The following SYK variants were observed in gnomAD, a reference collection of about 807,000 sequenced individuals.
SYK encodes the protein tyrosine-protein kinase SYK.
In SYK, 16 loss-of-function variants were observed where a neutral mutation model predicts 77.8. That is an observed-to-expected ratio of 0.21 (90% CI 0.14 to 0.31). The LOEUF (loss-of-function observed/expected upper bound fraction) is 0.31, where lower values mean the gene tolerates loss of function less well. SYK is among the 10% of genes least tolerant of loss of function. The pLI is 1.00. For missense variants in SYK, 529 were observed against 814.4 expected (o/e 0.65, Z 4.26); for synonymous variants, 312 against 308.7 (o/e 1.01, Z -0.11).
At chr9:90,826,864 G>C (rs1346709727) in intron 1 of SYK, among the ~76,000 whole-genome samples, 1 of 152,186 alleles carries the variant, frequency 6.6e-6, no homozygotes, top group Non-Finnish European at 1.5e-5. Flanking sequence ...ATGAGCAGCT[G>C]TCTGACCAGG....
At position 90,884,484 on chromosome 9, in the gene SYK, C is replaced by T. The variant is rs1478995732; in HGVS notation, c.1582-3265C>T. On this transcript the variant is annotated intron_variant, in intron 11 of 13. Coordinates refer to ENST00000375754, the MANE Select transcript of SYK (RefSeq NM_003177.7). ...ATATGTGTGTACATATACATACACACACATACACATATGTGTACATGTACA... is the reference window on the plus strand; with the variant it reads ...ATATGTGTGTACATATACATACACATACATACACATATGTGTACATGTACA... 3.4e-5 allele frequency among the ~76,000 whole-genome samples: 2 copies of T among 58,504 alleles called. 1 individual carries two copies. Among genetic ancestry groups the T allele is most frequent in the Non-Finnish European group, 6.7e-5 (2 of 29,856 alleles). 38.4% of individuals were successfully genotyped at this position (58,504 alleles called of 152,430 possible).
chr9:90,887,671 G>A (rs751154751), intron 11 of SYK, 78 bp from the exon 12 acceptor site: 17 of 1,467,918 alleles, frequency 1.2e-5, no homozygotes, highest in Admixed American at 6.6e-5. Context: ...CCAAAGTGCT[G>A]GGATTACAGG....
chr9:90,836,823 C>T lies in SYK; in HGVS notation c.-41-7035C>T, dbSNP rs1371119841. Among the ~76,000 whole-genome samples the T allele has an allele frequency of 5.9e-5, 9 of 152,148 alleles. No homozygotes were observed. In the East Asian group the frequency reaches 1.7e-3, roughly 29 times the overall value. ...GAAGTCATGACATTATAAGAAAAAG[C>T]TGAATTGCTTGATGAGGATTGTAGA... On this transcript the variant is annotated intron_variant, in intron 1 of 13. Coordinates refer to ENST00000375754, the MANE Select transcript of SYK (RefSeq NM_003177.7).
At chr9:90,835,335 A>G (rs1160597248) in intron 1 of SYK, among the ~76,000 whole-genome samples, 2 of 152,248 alleles carry the variant, frequency 1.3e-5, no homozygotes, top group Non-Finnish European at 2.9e-5. Flanking sequence ...GGCCACCCAT[A>G]GCTGCATTCA....
At chr9:90,821,677 TA>T (rs777086466) in intron 1 of SYK, among the ~76,000 whole-genome samples, 10 of 152,190 alleles carry the variant, frequency 6.6e-5, no homozygotes, top group Non-Finnish European at 1.0e-4. Flanking sequence ...GCCACATGCA[TA>T]TTCCAGACGC....
At chr9:90,884,680 C>CACATATACACATATGTGTACATGT (rs1828405348) in intron 11 of SYK, among the ~76,000 whole-genome samples, 1 of 51,820 alleles carries the variant, frequency 1.9e-5, no homozygotes, top group Non-Finnish European at 3.5e-5. Flanking sequence ...TACATATATA[C>CACATATACACATATGTGTACATGT]ACATATACAC....
Position 90,874,993 on chromosome 9 carries a change from T to C in SYK, c.1181+144T>C, listed in dbSNP as rs1219086526. On this transcript the variant is annotated intron_variant, in intron 9 of 13. Coordinates refer to ENST00000375754, the MANE Select transcript of SYK (RefSeq NM_003177.7). Reference sequence around the variant, plus strand: ...TTGTTAATTTCTGGTACTATTATAATGAAAGCGTCCATTACCTTTAATGGC... The same window carrying C: ...TTGTTAATTTCTGGTACTATTATAACGAAAGCGTCCATTACCTTTAATGGC... 95 of 1,061,832 alleles carry C rather than the reference T, an allele frequency of 8.9e-5. 1 individual carries two copies. The highest frequency in any genetic ancestry group is 1.2e-4 in the Non-Finnish European group (90 of 751,134). The allele number at this position is 1,061,832 out of a possible 1,614,324, so 65.8% of individuals were successfully genotyped here. A position where few individuals can be genotyped will look rare whatever the true frequency, so the allele number is the denominator to read the frequency against.
intron 7 of SYK, among the ~76,000 whole-genome samples, chr9:90,869,222 A>T (rs2118839817): frequency 1.3e-5 from 2 of 152,302 alleles, no homozygotes; most frequent in East Asian, 3.9e-4. Context: ...TAAAACAGAA[A>T]ATTAAATAGT....
chr9:90,843,972 C>A lies in SYK; in HGVS notation c.74C>A (p.Ala25Glu), dbSNP rs2118629439. ...TTCGGCAACATCACCCGGGAGGAGG[C>A]AGAAGATTACCTGGTCCAGGGGGGC... is the stretch of plus-strand genomic sequence containing the variant. ...FFFGNITREE[A>E]EDYLVQGGMS... is the part of the protein sequence containing the mutation. Residue 25 changes from alanine to glutamate, a missense_variant, in exon 2 of 14, where the codon GCA becomes GAA. Coordinates refer to ENST00000375754, the MANE Select transcript of SYK (RefSeq NM_003177.7). 1 of 1,599,170 alleles carries A rather than the reference C, an allele frequency of 6.3e-7. No homozygotes were observed. The highest frequency in any genetic ancestry group is 8.5e-7 in the Non-Finnish European group (1 of 1,172,440).
intron 11 of SYK, among the ~76,000 whole-genome samples, chr9:90,885,153 A>C (rs1828514933): frequency 6.6e-6 from 1 of 151,870 alleles, no homozygotes; most frequent in Admixed American, 6.6e-5. Flanking sequence ...AAAGGAACAC[A>C]CAATTCTCCA....
chr9:90,822,982 A>G (rs1825567924), intron 1 of SYK, among the ~76,000 whole-genome samples: 2 of 152,232 alleles, frequency 1.3e-5, no homozygotes, highest in South Asian at 4.1e-4. Flanking sequence ...GGGAAGAGTG[A>G]TAACTGTAAA....
In SYK at chr9:90,898,400, C is replaced by G. The variant is rs981419376; in HGVS notation, c.*2800C>G. ...CGGCCTGGATTTTCACTTGCAGAGG[C>G]TACAGCTGCATTGTCAGGTCTCCCA... On this transcript the variant is annotated 3_prime_UTR_variant, in exon 14 of 14. Transcript: ENST00000375754. The G allele has an allele frequency of 4.4e-6, 1 of 227,224 alleles. No individual in the cohort carries two copies. Among genetic ancestry groups the G allele is most frequent in the Non-Finnish European group, 8.7e-6 (1 of 114,384 alleles). 14.1% of individuals were successfully genotyped at this position (227,224 alleles called of 1,614,324 possible).
chr9:90,881,338 G>T (rs972520241), intron 11 of SYK, among the ~76,000 whole-genome samples: 1 of 152,172 alleles, frequency 6.6e-6, no homozygotes, highest in Non-Finnish European at 1.5e-5. Context: ...GAAAAGATAG[G>T]GTAGTGGAAG....
At chr9:90,882,702 C>T (rs375243236) in intron 11 of SYK, among the ~76,000 whole-genome samples, 27 of 152,274 alleles carry the variant, frequency 1.8e-4, no homozygotes, top group Admixed American at 3.3e-4. Context: ...TCCGTAGAGA[C>T]GGACCAAAAT....
Position 90,895,606 on chromosome 9 carries a change from C to A in SYK, c.*6C>A. 1 of 1,613,708 alleles carries A rather than the reference C, an allele frequency of 6.2e-7. No homozygotes were observed. Among genetic ancestry groups the A allele is most frequent in the Non-Finnish European group, 8.5e-7 (1 of 1,179,686 alleles). On this transcript the variant is annotated 3_prime_UTR_variant, in exon 14 of 14. Transcript: ENST00000375754. This position sits in a 1 kb window ranked among gnomAD's most constrained non-coding sequence, Gnocchi z 4.4. Reference sequence around the variant, plus strand: ...ACTATGACGTGGTGAACTAACCGCTCCCGCACCTGTCGGTGGCTGCCTTTG... The same window carrying A: ...ACTATGACGTGGTGAACTAACCGCTACCGCACCTGTCGGTGGCTGCCTTTG...
Position 90,888,503 on chromosome 9 carries a change from TG to T in SYK, c.1723-11del, listed in dbSNP as rs776234310. On this transcript the variant is annotated splice_polypyrimidine_tract_variant and intron_variant, in intron 12 of 13. Transcript: ENST00000375754. ...AAAAAAAAAAAGCTTATGCATATCTTGCATGTTGTAGGGGATGAAAGGAAGT... is the reference window on the plus strand; with the variant it reads ...AAAAAAAAAAAGCTTATGCATATCTTCATGTTGTAGGGGATGAAAGGAAGT... 167 of 1,578,014 alleles carry T rather than the reference TG, an allele frequency of 1.1e-4. No individual in the cohort carries two copies. The highest frequency in any genetic ancestry group is 6.2e-4 in the Admixed American group (31 of 50,270).
intron 1 of SYK, among the ~76,000 whole-genome samples, chr9:90,821,110 A>G (rs1464000729): frequency 1.3e-5 from 2 of 152,158 alleles, no homozygotes; most frequent in East Asian, 1.9e-4. Context: ...CCTGGACCTT[A>G]TTGTTAATAT....
At position 90,892,419 on chromosome 9, in the gene SYK, A is replaced by G. The variant is rs149307966; in HGVS notation, c.1836-3109A>G. The stretch of plus-strand genomic sequence containing the variant: ...TCTTTATGGCTTGCTGCAGGCATGA[A>G]GAGACAGGTCAGTTAGTCCTATCCG... On this transcript the variant is annotated intron_variant, in intron 13 of 13. Transcript: ENST00000375754. Among the ~76,000 whole-genome samples, 443 of 152,324 alleles carry G rather than the reference A, an allele frequency of 2.9e-3. 1 individual carries two copies. Among genetic ancestry groups the G allele is most frequent in the Admixed American group, 4.3e-3 (66 of 15,300 alleles).
At position 90,865,891 on chromosome 9, in the gene SYK, C is replaced by CTTTTTTTTTTTTTTTT. The variant is rs10680406; in HGVS notation, c.846+804_846+819dup. Among the ~76,000 whole-genome samples, 4 of 61,264 alleles carry CTTTTTTTTTTTTTTTT rather than the reference C, an allele frequency of 6.5e-5. 1 individual carries two copies. The highest frequency in any genetic ancestry group is 1.4e-4 in the African/African-American group (2 of 14,108). 40.2% of individuals were successfully genotyped at this position (61,264 alleles called of 152,430 possible). On this transcript the variant is annotated intron_variant, in intron 6 of 13. Transcript: ENST00000375754. ...CTCTTTTCTTGGGGCTACATATGGC[C>CTTTTTTTTTTTTTTTT]TTTTTTTTTTTTTTTTTTTTTTTTT... is the stretch of plus-strand genomic sequence containing the variant.
Sources: allele counts gnomAD v4.1 joint callset (sites outside exome capture counted in the v4.1 genomes callset), GRCh38; gene constraint gnomAD v4.1.1; non-coding constraint Gnocchi (gnomAD v3.1); transcripts MANE v1.5; gene names NCBI Gene and HGNC (gene_info 2026-07-23, HGNC 2026-07-21).